Variants in IL1RAPL2 observed in about 807,000 individuals in gnomAD.
IL1RAPL2 encodes X-linked interleukin-1 receptor accessory protein-like 2.
A neutral mutation model predicts 44.1 loss-of-function variants in IL1RAPL2; 3 were observed. That is an observed-to-expected ratio of 0.07 (90% CI 0.03 to 0.18). IL1RAPL2 has a LOEUF of 0.18. IL1RAPL2 is among the 10% of genes least tolerant of loss of function. The pLI is 1.00. For synonymous variants in IL1RAPL2, 181 were observed against 178.8 expected, an observed-to-expected ratio of 1.01 and a Z score of -0.10; for missense variants, 391 against 496.4, an observed-to-expected ratio of 0.79 and a Z score of 2.02.
intron 2 of IL1RAPL2, among the ~76,000 whole-genome samples, chrX:104,911,305 C>T (rs180739602): frequency 8.9e-6 from 1 of 111,913 alleles, no homozygotes; most frequent in African/African-American, 3.2e-5. Flanking sequence ...ATGAGACTAG[C>T]ATAACCATCA....
intron 5 of IL1RAPL2, among the ~76,000 whole-genome samples, chrX:105,363,852 C>G (rs1315569191): frequency 9.1e-6 from 1 of 110,235 alleles, no homozygotes; most frequent in East Asian, 2.9e-4. Flanking sequence ...GATATTAGCC[C>G]CTTATCAGAT....
chrX:105,332,051 C>G lies in IL1RAPL2; in HGVS notation c.697+64510C>G, dbSNP rs192594370. ...TAGGCAGGAAGGATCAATGCGTATT[C>G]ACAGAATCACCAGAACAATCCAAAT... On this transcript the variant is annotated intron_variant, in intron 5 of 10. Coordinates refer to ENST00000372582, the MANE Select transcript of IL1RAPL2 (RefSeq NM_017416.2). Among the ~76,000 whole-genome samples the G allele has an allele frequency of 1.5e-4, 16 of 109,518 alleles. No homozygotes were observed. In the East Asian group the frequency reaches 4.8e-3, roughly 33 times the overall value.
At position 105,247,619 on chromosome X, in the gene IL1RAPL2, G is replaced by A. The variant is rs868705809; in HGVS notation, c.543+13615G>A. On this transcript the variant is annotated intron_variant, in intron 4 of 10. Coordinates refer to ENST00000372582, the MANE Select transcript of IL1RAPL2 (RefSeq NM_017416.2). The stretch of plus-strand genomic sequence containing the variant: ...TATATATATATGTGTGTGTGTGTGT[G>A]TGTGTGTGTGTGTGTGTGTGTGTGT... Among the ~76,000 whole-genome samples the A allele has an allele frequency of 3.3e-3, 354 of 107,592 alleles. 3 individuals are homozygous for A. Among genetic ancestry groups the A allele is most frequent in the African/African-American group, 0.011 (325 of 29,313 alleles). 93.4% of individuals were successfully genotyped at this position (107,592 alleles called of 115,157 possible).
At chrX:104,969,472 G>A (rs1173849705) in intron 2 of IL1RAPL2, among the ~76,000 whole-genome samples, 2 of 110,906 alleles carry the variant, frequency 1.8e-5, no homozygotes, top group African/African-American at 3.3e-5. Flanking sequence ...TCTTTGAAAG[G>A]TTTTATAACA....
intron 2 of IL1RAPL2, among the ~76,000 whole-genome samples, chrX:105,033,342 G>A (rs757831973): frequency 2.3e-4 from 26 of 111,878 alleles, no homozygotes; most frequent in African/African-American, 5.2e-4. Context: ...ATTTTGGCAT[G>A]TTTTTGCAGT....
chrX:104,766,375 C>T (rs10855530), intron 2 of IL1RAPL2, among the ~76,000 whole-genome samples: 43 of 55,972 alleles, frequency 7.7e-4, no homozygotes, highest in East Asian at 1.9e-3. Flanking sequence ...GCTGGCCTGC[C>T]TGCCTGCCTG....
At chrX:105,602,753 T>C (rs1447583695) in intron 6 of IL1RAPL2, among the ~76,000 whole-genome samples, 1 of 108,393 alleles carries the variant, frequency 9.2e-6, no homozygotes, top group Non-Finnish European at 1.9e-5. Flanking sequence ...AGCAGAAAAC[T>C]TGGAGGCCAG....
chrX:105,311,605 C>T, intron 5 of IL1RAPL2, among the ~76,000 whole-genome samples: 1 of 93,483 alleles, frequency 1.1e-5, no homozygotes. Context: ...GATGATTATA[C>T]ATACATACAC....
intron 2 of IL1RAPL2, among the ~76,000 whole-genome samples, chrX:104,947,628 T>C (rs1925420774): frequency 1.9e-5 from 2 of 105,761 alleles, no homozygotes; most frequent in Non-Finnish European, 3.9e-5. Context: ...TTCAGCTTTC[T>C]ACATATGGCT....
At chrX:105,208,759 A>G (rs1371685397) in intron 3 of IL1RAPL2, among the ~76,000 whole-genome samples, 1 of 111,823 alleles carries the variant, frequency 8.9e-6, no homozygotes, top group Non-Finnish European at 1.9e-5. Context: ...TATTCCTGTT[A>G]CCCTGATCCC....
chrX:105,417,367 G>T (rs2147743835), intron 5 of IL1RAPL2, among the ~76,000 whole-genome samples: 1 of 112,240 alleles, frequency 8.9e-6, no homozygotes, highest in Admixed American at 9.4e-5. Context: ...CAGCTACTTG[G>T]GAGGCTGAGG....
chrX:105,349,898 G>T (rs181647567), intron 5 of IL1RAPL2, among the ~76,000 whole-genome samples: 5 of 111,777 alleles, frequency 4.5e-5, no homozygotes, highest in African/African-American at 1.6e-4. Context: ...TTTTTGAAAA[G>T]TCTCTTAGAT....
At chrX:104,581,743 C>A (rs761801686) in intron 1 of IL1RAPL2, among the ~76,000 whole-genome samples, 1 of 111,305 alleles carries the variant, frequency 9.0e-6, no homozygotes, top group African/African-American at 3.3e-5. Context: ...CTATACTATT[C>A]GCTGGGAACT....
At chrX:104,971,738 A>T (rs1202055329) in intron 2 of IL1RAPL2, among the ~76,000 whole-genome samples, 1 of 110,553 alleles carries the variant, frequency 9.0e-6, no homozygotes, top group East Asian at 2.9e-4. Flanking sequence ...AGACAAAACC[A>T]CTCCATAGTG....
chrX:105,584,874 C>T (rs2037115857), intron 6 of IL1RAPL2, among the ~76,000 whole-genome samples: 1 of 110,666 alleles, frequency 9.0e-6, no homozygotes, highest in Non-Finnish European at 1.9e-5. Flanking sequence ...CTTTCCTCTT[C>T]TGGAGCTCCA....
chrX:105,093,292 C>T (rs574613457), intron 2 of IL1RAPL2, among the ~76,000 whole-genome samples: 1 of 111,657 alleles, frequency 9.0e-6, no homozygotes, highest in Admixed American at 9.5e-5. Context: ...AATTGGAAAT[C>T]CTTCCTACGG....
chrX:105,650,276 G>A (rs966368800), intron 6 of IL1RAPL2, among the ~76,000 whole-genome samples: 1 of 111,599 alleles, frequency 9.0e-6, no homozygotes, highest in Non-Finnish European at 1.9e-5. Context: ...AGTCAAAATT[G>A]CCCCTAACAG....
intron 1 of IL1RAPL2, among the ~76,000 whole-genome samples, chrX:104,630,845 T>G (rs770656774): frequency 9.0e-6 from 1 of 110,897 alleles, no homozygotes; most frequent in East Asian, 2.8e-4. Context: ...TCAAGCTTCT[T>G]TTTTTTATTA....
intron 6 of IL1RAPL2, among the ~76,000 whole-genome samples, chrX:105,543,706 T>A (rs1350556320): frequency 8.9e-6 from 1 of 112,291 alleles, no homozygotes; most frequent in Non-Finnish European, 1.9e-5. Context: ...ATTTTTGTGC[T>A]TCTTGTGGTA....
Sources: gnomAD v4.1 joint callset for allele counts (sites outside exome capture counted in the v4.1 genomes callset) on GRCh38, gnomAD v4.1.1 for gene constraint, MANE v1.5 for transcripts, NCBI Gene and HGNC (gene_info 2026-07-23, HGNC 2026-07-21) for gene names.